Variants in FAM184B observed in about 807,000 individuals in gnomAD.
FAM184B encodes family with sequence similarity 184 member B.
Under a neutral mutation model 135.9 loss-of-function variants are expected in FAM184B, and 111 were observed. The ratio of observed to expected loss-of-function variants is 0.82; its 90% CI spans 0.70 to 0.96. The LOEUF is 0.96. Among genes scored for constraint, FAM184B ranks in the 40% least tolerant of loss-of-function variants. The pLI is 0.00. For synonymous variants in FAM184B, 552 were observed against 524.8 expected (o/e 1.05, Z -0.71); for missense variants, 1,375 against 1,323.9 (o/e 1.04, Z -0.60).
intron 1 of FAM184B, among the ~76,000 whole-genome samples, chr4:17,749,793 C>A (rs1272762727): frequency 6.6e-6 from 1 of 152,166 alleles, no homozygotes; most frequent in African/African-American, 2.4e-5. Flanking sequence ...TGCCAGGTTA[C>A]TTTCGTGCAT....
intron 11 of FAM184B, among the ~76,000 whole-genome samples, chr4:17,648,017 C>A (rs906212484): frequency 2.0e-5 from 3 of 152,056 alleles, no homozygotes; most frequent in Non-Finnish European, 4.4e-5. Context: ...ATGAATTATC[C>A]CCCACCCCCG....
chr4:17,653,476 C>T (rs1715686994), intron 10 of FAM184B, among the ~76,000 whole-genome samples: 1 of 152,124 alleles, frequency 6.6e-6, no homozygotes, highest in African/African-American at 2.4e-5. Context: ...TCAGTCCATG[C>T]TCTTGTTTGG....
At chr4:17,681,444 C>G (rs557967970) in intron 7 of FAM184B, among the ~76,000 whole-genome samples, 1 of 152,348 alleles carries the variant, frequency 6.6e-6, no homozygotes, top group African/African-American at 2.4e-5. Context: ...CAGAACCTCT[C>G]CATGGAGTGA....
rs751759354 is a variant in FAM184B at position 17,631,960 on chromosome 4, A to T, written c.*572T>A. Reference sequence around the variant, plus strand: ...CAAAATGGAGTATGATGTTATGGACACTAGAAATACAAGGTATGGGTCATT... The same window carrying T: ...CAAAATGGAGTATGATGTTATGGACTCTAGAAATACAAGGTATGGGTCATT... On this transcript the variant is annotated 3_prime_UTR_variant, in exon 18 of 18. Transcript: ENST00000265018. 1 of 151,864 alleles carries T rather than the reference A, an allele frequency of 6.6e-6. No homozygotes were observed. The highest frequency in any genetic ancestry group is 1.5e-5 in the Non-Finnish European group (1 of 67,984). 9.4% of individuals were successfully genotyped at this position (151,864 alleles called of 1,614,324 possible).
chr4:17,696,088 T>A (rs1248342343), intron 5 of FAM184B, among the ~76,000 whole-genome samples: 3 of 152,222 alleles, frequency 2.0e-5, no homozygotes, highest in African/African-American at 7.2e-5. Flanking sequence ...AGCTGACATT[T>A]GCTGAGTACA....
Position 17,640,481 on chromosome 4 carries a change from CAAAAAAA to C in FAM184B, c.2520-1092_2520-1086del, listed in dbSNP as rs200666429. Among the ~76,000 whole-genome samples, 45 of 127,420 alleles carry C rather than the reference CAAAAAAA, an allele frequency of 3.5e-4. No homozygotes were observed. The South Asian group carries it at 6.9e-3, about 20-fold the overall frequency. 83.6% of individuals were successfully genotyped at this position (127,420 alleles called of 152,430 possible). On this transcript the variant is annotated intron_variant, in intron 13 of 17. Coordinates refer to ENST00000265018, the MANE Select transcript of FAM184B (RefSeq NM_015688.2). ...CCTGGGCAAAAGAGCAAGACTGTCT[CAAAAAAA>C]AAAAAAAGAAAATAAATGAACAAGC... is the stretch of plus-strand genomic sequence containing the variant.
rs866478124 is a variant in FAM184B, at chr4:17,688,707, T to C, written c.1489-176A>G. The stretch of plus-strand genomic sequence containing the variant: ...TTTTTTTTTTTTTTTTTTTTTTTTT[T>C]CTGATCCAGGGTCTTGCTCTGTCAC... On this transcript the variant is annotated intron_variant, in intron 6 of 17. Coordinates refer to ENST00000265018, the MANE Select transcript of FAM184B (RefSeq NM_015688.2). 5.9e-3 allele frequency among the ~76,000 whole-genome samples: 864 copies of C among 145,212 alleles called. 9 individuals carry two copies. The highest frequency in any genetic ancestry group is 0.021 in the African/African-American group (832 of 38,802).
chr4:17,731,916 A>T (rs1305250638), intron 1 of FAM184B, among the ~76,000 whole-genome samples: 1 of 152,162 alleles, frequency 6.6e-6, no homozygotes, highest in Non-Finnish European at 1.5e-5. Flanking sequence ...CTATTCCAAA[A>T]CTGACCACAT....
chr4:17,632,642 GT>G lies in FAM184B; in HGVS notation c.3090-18del. 8.5e-6 allele frequency: 9 copies of G among 1,056,076 alleles called. No homozygotes were observed. The highest frequency in any genetic ancestry group is 1.3e-5 in the Non-Finnish European group (9 of 719,468). The allele number at this position is 1,056,076 out of a possible 1,614,324, so 65.4% of individuals were successfully genotyped here. On this transcript the variant is annotated intron_variant, in intron 17 of 17. Transcript: ENST00000265018. ...TCTGGGGTCCTAAAAGCAAAAAAAGGTTTTTTTATATGGTTTTGAAAACTAT... is the reference window on the plus strand; with the variant it reads ...TCTGGGGTCCTAAAAGCAAAAAAAGGTTTTTTATATGGTTTTGAAAACTAT...
chr4:17,734,530 A>G (rs1161706473), intron 1 of FAM184B, among the ~76,000 whole-genome samples: 1 of 152,250 alleles, frequency 6.6e-6, no homozygotes, highest in Non-Finnish European at 1.5e-5. Flanking sequence ...GGATATGAAC[A>G]GACACTTCTC....
chr4:17,675,739 C>T (rs1431216744), intron 7 of FAM184B, among the ~76,000 whole-genome samples: 1 of 152,176 alleles, frequency 6.6e-6, no homozygotes, highest in Non-Finnish European at 1.5e-5. Context: ...TCAGCGCTTG[C>T]TGCTTGTTAT....
intron 17 of FAM184B, 155 bp from the exon 18 acceptor site, chr4:17,632,780 A>C: frequency 1.8e-6 from 1 of 564,670 alleles, no homozygotes; most frequent in Non-Finnish European, 3.2e-6. Context: ...AACAAATTGT[A>C]AAGGATGGGG....
chr4:17,725,704 C>T (rs1360852251), intron 1 of FAM184B, among the ~76,000 whole-genome samples: 3 of 152,090 alleles, frequency 2.0e-5, no homozygotes, highest in East Asian at 1.9e-4. Flanking sequence ...AGTCATATAG[C>T]GTCTGTCAGT....
At chr4:17,653,122 A>ATGC (rs1381879901) in intron 10 of FAM184B, 139 bp from the exon 11 acceptor site, 4 of 839,868 alleles carry the variant, frequency 4.8e-6, no homozygotes, top group Non-Finnish European at 7.5e-6. Flanking sequence ...GCTACAGAGA[A>ATGC]TGCTGTAGCA....
intron 1 of FAM184B, among the ~76,000 whole-genome samples, chr4:17,777,438 T>G (rs1359371578): frequency 6.6e-6 from 1 of 152,150 alleles, no homozygotes. Context: ...ACTGAACAAT[T>G]AAAACAGGTG....
At position 17,709,459 on chromosome 4, in the gene FAM184B, C is replaced by T; in HGVS notation, c.327G>A (p.Glu109=). The T allele has an allele frequency of 1.3e-6, 2 of 1,534,726 alleles. No individual in the cohort carries two copies. Among genetic ancestry groups the T allele is most frequent in the Non-Finnish European group, 1.8e-6 (2 of 1,137,298 alleles). ...CCTCCTCCGTCAGCCTCTTTTGCAGCTCCAGGGCGCTCTCCAGGGCCTGGA... is the reference window on the plus strand; with the variant it reads ...CCTCCTCCGTCAGCCTCTTTTGCAGTTCCAGGGCGCTCTCCAGGGCCTGGA... ...QRIQALESAL[E]LQKRLTEEAL... The change falls in exon 2 of 18, where the codon GAG becomes GAA. Residue 109 remains glutamate, a synonymous_variant. Transcript: ENST00000265018.
intron 1 of FAM184B, among the ~76,000 whole-genome samples, chr4:17,711,184 C>T (rs1717259203): frequency 1.3e-5 from 2 of 151,366 alleles, no homozygotes; most frequent in South Asian, 4.2e-4. Flanking sequence ...GAGACTCTGT[C>T]TCTACCAAAA....
intron 7 of FAM184B, among the ~76,000 whole-genome samples, chr4:17,686,694 C>A (rs1716598466): frequency 6.6e-6 from 1 of 152,334 alleles, no homozygotes; most frequent in East Asian, 1.9e-4. Flanking sequence ...GTAATCCCAG[C>A]CCTTTGGGAG....
chr4:17,779,722 C>T (rs1477796741), intron 1 of FAM184B, among the ~76,000 whole-genome samples: 1 of 152,210 alleles, frequency 6.6e-6, no homozygotes, highest in Non-Finnish European at 1.5e-5. Context: ...ACTGTTCCTC[C>T]CATACTGATT....
Sources: allele counts gnomAD v4.1 joint callset (sites outside exome capture counted in the v4.1 genomes callset), GRCh38; gene constraint gnomAD v4.1.1; transcripts MANE v1.5; gene names NCBI Gene and HGNC (gene_info 2026-07-23, HGNC 2026-07-21).